MAP2K6: variants seen among roughly 807,000 people sequenced by gnomAD.
MAP2K6 encodes the protein mitogen-activated protein kinase kinase 6, also known as dual specificity mitogen-activated protein kinase kinase 6.
A neutral mutation model predicts 53.7 loss-of-function variants in MAP2K6; 16 were observed. That is an observed-to-expected ratio of 0.30 (90% CI 0.20 to 0.45). The LOEUF (loss-of-function observed/expected upper bound fraction) is 0.45, where lower values mean the gene tolerates loss of function less well. MAP2K6 is among the 20% of genes least tolerant of loss of function. MAP2K6 has a pLI of 1.00. For synonymous variants in MAP2K6, 132 were observed against 143.1 expected, an observed-to-expected ratio of 0.92 and a Z score of 0.55; for missense variants, 204 against 411.9, an observed-to-expected ratio of 0.50 and a Z score of 4.37.
chr17:69,532,271 G>A (rs539613533), intron 10 of MAP2K6, among the ~76,000 whole-genome samples: 1 of 152,338 alleles, frequency 6.6e-6, no homozygotes, highest in Non-Finnish European at 1.5e-5. Context: ...AACGCGCAAT[G>A]TGTTTTTATT....
At chr17:69,443,189 CCCCT>C (rs1906873443) in intron 1 of MAP2K6, among the ~76,000 whole-genome samples, 1 of 152,088 alleles carries the variant, frequency 6.6e-6, no homozygotes. Flanking sequence ...ATGTCCATTT[CCCCT>C]CCTTCCCCTT....
intron 1 of MAP2K6, among the ~76,000 whole-genome samples, chr17:69,421,321 G>T (rs1906072753): frequency 6.6e-6 from 1 of 152,152 alleles, no homozygotes; most frequent in South Asian, 2.1e-4. Context: ...GGCTGGCGAA[G>T]TGTCATTTCT....
chr17:69,502,523 G>T (rs1909221421), intron 1 of MAP2K6: 2 of 985,300 alleles, frequency 2.0e-6, no homozygotes, highest in South Asian at 9.4e-5. Flanking sequence ...ACTAGGTTTT[G>T]TGTCTCCTGG....
chr17:69,531,927 A>G (rs1055786308), intron 10 of MAP2K6, among the ~76,000 whole-genome samples: 7 of 152,206 alleles, frequency 4.6e-5, no homozygotes, highest in African/African-American at 1.7e-4. Context: ...CGAGTTCGCA[A>G]AAGATTGGAA....
chr17:69,474,667 T>C (rs1908080438), intron 1 of MAP2K6, among the ~76,000 whole-genome samples: 1 of 152,242 alleles, frequency 6.6e-6, no homozygotes, highest in Non-Finnish European at 1.5e-5. Context: ...TCTCTTTCTA[T>C]GACCACAGCT....
intron 1 of MAP2K6, among the ~76,000 whole-genome samples, chr17:69,424,438 A>G (rs1408290716): frequency 1.3e-5 from 2 of 152,206 alleles, no homozygotes; most frequent in South Asian, 2.1e-4. Context: ...TGTGAATTCT[A>G]TCATTTACTC....
intron 1 of MAP2K6, among the ~76,000 whole-genome samples, chr17:69,437,659 A>G (rs1386606381): frequency 6.6e-6 from 1 of 152,202 alleles, no homozygotes; most frequent in East Asian, 1.9e-4. Flanking sequence ...AGGTTGTGCA[A>G]TCATCACCAC....
intron 9 of MAP2K6, 78 bp from the exon 10 acceptor site, chr17:69,526,492 A>G: frequency 6.6e-7 from 1 of 1,504,084 alleles, no homozygotes; most frequent in Non-Finnish European, 9.0e-7. Context: ...CCTGCTGTCT[A>G]TCCACAAATG....
chr17:69,469,238 C>T (rs1255430793), intron 1 of MAP2K6, among the ~76,000 whole-genome samples: 1 of 152,234 alleles, frequency 6.6e-6, no homozygotes, highest in Non-Finnish European at 1.5e-5. Context: ...TCTCACATTG[C>T]ATCTCTCTAA....
intron 1 of MAP2K6, among the ~76,000 whole-genome samples, chr17:69,451,961 A>G (rs2053597): frequency 0.6 from 91,198 of 151,796 alleles, 27,624 homozygotes; most frequent in African/African-American, 0.68. Flanking sequence ...GTGGGTGGCA[A>G]GGAGGCTGTT....
intron 1 of MAP2K6, among the ~76,000 whole-genome samples, chr17:69,437,755 C>T (rs939749675): frequency 6.6e-6 from 1 of 152,320 alleles, no homozygotes; most frequent in African/African-American, 2.4e-5. Context: ...TTCCTGCAGT[C>T]CCTGGAAGCC....
At chr17:69,456,387 T>C (rs7208209) in intron 1 of MAP2K6, among the ~76,000 whole-genome samples, 67,556 of 152,022 alleles carry the variant, frequency 0.44, 15,267 homozygotes, top group African/African-American at 0.52. Context: ...TATTGAGTCT[T>C]ATTTTAAAGT....
intron 9 of MAP2K6, 90 bp downstream of exon 9, chr17:69,525,068 A>G: frequency 8.8e-7 from 1 of 1,132,034 alleles, no homozygotes; most frequent in Non-Finnish European, 1.3e-6. Flanking sequence ...AAATGCCCTA[A>G]ATGCTGGTTT....
intron 11 of MAP2K6, among the ~76,000 whole-genome samples, chr17:69,538,144 A>G (rs1911445877): frequency 6.6e-6 from 1 of 152,190 alleles, no homozygotes; most frequent in South Asian, 2.1e-4. Context: ...AGCTGGGACT[A>G]CAAGTGTGCA....
rs1419676800 is a variant in MAP2K6, at chr17:69,542,793, T to C, written c.*1040T>C. The C allele has an allele frequency of 1.3e-5, 2 of 152,230 alleles. No individual in the cohort carries two copies. The highest frequency in any genetic ancestry group is 1.3e-4 in the Admixed American group (2 of 15,280). 9.4% of individuals were successfully genotyped at this position (152,230 alleles called of 1,614,324 possible). A position where few individuals can be genotyped will look rare whatever the true frequency, so the allele number is the denominator to read the frequency against. ...TAAGTTGTAAGGATTGCCTTTGTAGTTAATGTACTCTTTGGCTTTGTTTGT... is the reference window on the plus strand; with the variant it reads ...TAAGTTGTAAGGATTGCCTTTGTAGCTAATGTACTCTTTGGCTTTGTTTGT... On this transcript the variant is annotated 3_prime_UTR_variant, in exon 12 of 12. Transcript: ENST00000590474.
Position 69,549,540 on chromosome 17 carries a change from C to T in MAP2K6, c.*7787C>T, listed in dbSNP as rs184659345. On this transcript the variant is annotated 3_prime_UTR_variant, in exon 12 of 12. Coordinates refer to ENST00000590474, the MANE Select transcript of MAP2K6 (RefSeq NM_002758.4). ...GGTAAGGAACTGATCTGGCCATTTT[C>T]ATATAACAAAAATCAAAGTCAACAA... 8.5e-5 allele frequency: 13 copies of T among 152,284 alleles called. No homozygotes were observed. Among genetic ancestry groups the T allele is most frequent in the Non-Finnish European group, 1.8e-4 (12 of 68,020 alleles). 9.4% of individuals were successfully genotyped at this position (152,284 alleles called of 1,614,324 possible). A position where few individuals can be genotyped will look rare whatever the true frequency, so the allele number is the denominator to read the frequency against.
At chr17:69,438,231 G>A (rs1367465176) in intron 1 of MAP2K6, among the ~76,000 whole-genome samples, 2 of 152,196 alleles carry the variant, frequency 1.3e-5, no homozygotes, top group Non-Finnish European at 2.9e-5. Flanking sequence ...TTGAGTAGAT[G>A]GACACACAGG....
chr17:69,481,905 A>C (rs773434076), intron 1 of MAP2K6, among the ~76,000 whole-genome samples: 41 of 152,148 alleles, frequency 2.7e-4, no homozygotes, highest in Non-Finnish European at 5.4e-4. Flanking sequence ...ATTCTTTTGG[A>C]TATATCCCTA....
intron 1 of MAP2K6, among the ~76,000 whole-genome samples, chr17:69,455,899 T>C (rs1300337016): frequency 4.1e-5 from 6 of 146,820 alleles, no homozygotes; most frequent in Non-Finnish European, 7.4e-5. Context: ...TTGCTCTCGT[T>C]GCCCAGGCTG....
Sources: allele counts gnomAD v4.1 joint callset (sites outside exome capture counted in the v4.1 genomes callset), GRCh38; gene constraint gnomAD v4.1.1; transcripts MANE v1.5; gene names NCBI Gene and HGNC (gene_info 2026-07-23, HGNC 2026-07-21).